The following IL6ST variants were observed in gnomAD, a reference collection of about 807,000 sequenced individuals.
IL6ST encodes the protein interleukin 6 cytokine family signal transducer.
IL6ST carries 24 observed loss-of-function variants against 91.3 expected under a neutral mutation model. The ratio of observed to expected loss-of-function variants is 0.26; its 90% CI spans 0.19 to 0.37. The LOEUF is 0.37. Among genes scored for constraint, IL6ST ranks in the 10% least tolerant of loss-of-function variants. The pLI is 1.00. For synonymous variants in IL6ST, 351 were observed against 373.6 expected (o/e 0.94, Z 0.70); for missense variants, 914 against 1,078.5 (o/e 0.85, Z 2.14).
intron 8 of IL6ST, chr5:55,959,542 TTAGAC>T: frequency 3.5e-6 from 2 of 571,016 alleles, no homozygotes; most frequent in Non-Finnish European, 5.5e-6. Context: ...GGATCTTACT[TTAGAC>T]TGTACACTCT....
At chr5:55,960,970 G>A (rs898616499) in intron 7 of IL6ST, among the ~76,000 whole-genome samples, 31 of 151,556 alleles carry the variant, frequency 2.0e-4, no homozygotes, top group Middle Eastern at 3.5e-3. Context: ...TCCCTCTGTC[G>A]CCCAGGCTGG....
chr5:55,976,174 A>G (rs1356346543), intron 3 of IL6ST, 41 bp downstream of exon 3: 2 of 973,280 alleles, frequency 2.1e-6, no homozygotes, highest in Non-Finnish European at 3.1e-6. Context: ...ATATAAACCT[A>G]ATTTGTGAAG....
In IL6ST at chr5:55,940,209, T is replaced by G. The variant is rs1468266318; in HGVS notation, c.*873A>C. On this transcript the variant is annotated 3_prime_UTR_variant, in exon 17 of 17. Coordinates refer to ENST00000381298, the MANE Select transcript of IL6ST (RefSeq NM_002184.4). The stretch of plus-strand genomic sequence containing the variant: ...GCCAATTTTTTAGATGCTTTATTGG[T>G]TTTTTTTCCCCTTTACTACTACTTC... 3 of 208,080 alleles carry G rather than the reference T, an allele frequency of 1.4e-5. No individual in the cohort carries two copies. The highest frequency in any genetic ancestry group is 1.9e-4 in the South Asian group (1 of 5,280). 12.9% of individuals were successfully genotyped at this position (208,080 alleles called of 1,614,324 possible). A position where few individuals can be genotyped will look rare whatever the true frequency, so the allele number is the denominator to read the frequency against.
intron 5 of IL6ST, among the ~76,000 whole-genome samples, chr5:55,966,954 A>G (rs544219792): frequency 1.3e-4 from 12 of 95,032 alleles, no homozygotes; most frequent in Admixed American, 4.5e-4. Context: ...TTTTTTGGGG[A>G]AAAAAAAAAA....
At chr5:55,976,052 CAAG>C (rs1753269881) in intron 3 of IL6ST, 160 bp downstream of exon 3, 1 of 368,024 alleles carries the variant, frequency 2.7e-6, no homozygotes, top group Non-Finnish European at 4.9e-6. Flanking sequence ...AACAGATTAT[CAAG>C]AATATTTTTA....
chr5:55,988,757 A>C (rs1754137539), intron 1 of IL6ST, among the ~76,000 whole-genome samples: 2 of 131,880 alleles, frequency 1.5e-5, no homozygotes, highest in Non-Finnish European at 3.2e-5. Flanking sequence ...CAAGAGCAAA[A>C]CTCCATCTCC....
chr5:55,965,716 C>T (rs190500221), intron 5 of IL6ST, among the ~76,000 whole-genome samples: 11 of 145,962 alleles, frequency 7.5e-5, no homozygotes, highest in Admixed American at 1.4e-4. Context: ...ATGAGCCGGG[C>T]GGGGTGGTGG....
chr5:55,942,302 G>A (rs1750970177), intron 16 of IL6ST, among the ~76,000 whole-genome samples: 2 of 152,154 alleles, frequency 1.3e-5, no homozygotes, highest in South Asian at 4.1e-4. Flanking sequence ...ATGATAAACT[G>A]TTGAACTTGG....
Position 55,975,244 on chromosome 5 carries a change from G to C in IL6ST, c.64+971C>G, listed in dbSNP as rs1275676167. On this transcript the variant is annotated intron_variant, in intron 3 of 16. Transcript: ENST00000381298. ...AATCATAGGGGTGGATTTCTCACTT[G>C]GTACTGCCTCGAGATGGTGGATGAG... Among the ~76,000 whole-genome samples the C allele has an allele frequency of 2.0e-5, 3 of 152,214 alleles. No individual in the cohort carries two copies. The East Asian group carries it at 5.8e-4, about 29-fold the overall frequency.
In IL6ST at chr5:55,957,249, G is replaced by A. The variant is rs748024777; in HGVS notation, c.1016C>T (p.Ser339Phe). The change falls in exon 9 of 17, where the codon TCC becomes TTC. Residue 339 changes from serine (S) to phenylalanine (F), a missense_variant. Physicochemically the swap from Ser to Phe is radical, Grantham distance 155. Transcript: ENST00000381298. ...TACAGTTCTGTAGCCTTGAGTATGG[G>A]ATGGATCTATTTTATACCAGAAACT... ...APSFWYKIDP[S>F]HTQGYRTVQL... The A allele has an allele frequency of 2.9e-5, 45 of 1,569,790 alleles. No homozygotes were observed. The East Asian group carries it at 1.0e-3, about 36-fold the overall frequency.
Position 55,941,381 on chromosome 5 carries a change from T to C in IL6ST, c.2458A>G (p.Ser820Gly). 2 of 1,614,170 alleles carry C rather than the reference T, an allele frequency of 1.2e-6. No homozygotes were observed. Among genetic ancestry groups the C allele is most frequent in the Non-Finnish European group, 1.7e-6 (2 of 1,179,978 alleles). The change falls in exon 17 of 17, where the codon AGT becomes GGT. Residue 820 changes from serine to glycine, a missense_variant. Coordinates refer to ENST00000381298, the MANE Select transcript of IL6ST (RefSeq NM_002184.4). ...ATATCTGGACTGGATTCATGCTGAC[T>C]GCAGTTCTGTTTGAAGTACTGTTGC... is the stretch of plus-strand genomic sequence containing the variant. The part of the protein sequence containing the change: ...PRQQYFKQNC[S>G]QHESSPDISH...
At chr5:55,989,009 C>A (rs1754156872) in intron 1 of IL6ST, among the ~76,000 whole-genome samples, 1 of 150,364 alleles carries the variant, frequency 6.7e-6, no homozygotes, top group African/African-American at 2.4e-5. Context: ...GCCTGTAATC[C>A]CAGCTACTCA....
At chr5:55,980,615 G>T (rs1223805932) in intron 2 of IL6ST, among the ~76,000 whole-genome samples, 1 of 152,076 alleles carries the variant, frequency 6.6e-6, no homozygotes, top group Non-Finnish European at 1.5e-5. Context: ...CACCAACTGG[G>T]TGACAGTTCA....
chr5:55,942,660 T>G lies in IL6ST; in HGVS notation c.2019+10A>C, dbSNP rs1288493523. ...TATATTATAAACAACTCAGAAGCATTTTCTCTTACCCTTGGAGGAGTGTGA... is the reference window on the plus strand; with the variant it reads ...TATATTATAAACAACTCAGAAGCATGTTCTCTTACCCTTGGAGGAGTGTGA... On this transcript the variant is annotated intron_variant, in intron 16 of 16. Coordinates refer to ENST00000381298, the MANE Select transcript of IL6ST (RefSeq NM_002184.4). The G allele has an allele frequency of 2.0e-6, 3 of 1,525,768 alleles. No homozygotes were observed. In the African/African-American group the frequency reaches 4.1e-5, roughly 21 times the overall value. The allele number at this position is 1,525,768 out of a possible 1,614,324, so 94.5% of individuals were successfully genotyped here. A position where few individuals can be genotyped will look rare whatever the true frequency, so the allele number is the denominator to read the frequency against.
Position 55,941,512 on chromosome 5 carries a change from A to G in IL6ST, c.2327T>C (p.Val776Ala), listed in dbSNP as rs1426165737. ...GYRHQVPSVQ[V>A]FSRSESTQPL... Reference sequence around the variant, plus strand: ...CTGGGTAGACTCGGATCTTGAGAAGACTTGGACTGACGGAACTTGGTGTCT... The same window carrying G: ...CTGGGTAGACTCGGATCTTGAGAAGGCTTGGACTGACGGAACTTGGTGTCT... The change falls in exon 17 of 17, where the codon GTC becomes GCC. Residue 776 changes from valine to alanine, a missense_variant. By Grantham distance (64) the Val-to-Ala change is moderately conservative. Transcript: ENST00000381298. 2 of 1,614,180 alleles carry G rather than the reference A, an allele frequency of 1.2e-6. No individual in the cohort carries two copies. Among genetic ancestry groups the G allele is most frequent in the Non-Finnish European group, 1.7e-6 (2 of 1,180,006 alleles).
At position 55,947,502 on chromosome 5, in the gene IL6ST, T is replaced by C. The variant is rs1751340471; in HGVS notation, c.1928A>G (p.Lys643Arg). 1 of 1,570,676 alleles carries C rather than the reference T, an allele frequency of 6.4e-7. No individual in the cohort carries two copies. Among genetic ancestry groups the C allele is most frequent in the African/African-American group, 1.4e-5 (1 of 72,516 alleles). The change falls in exon 15 of 17, where the codon AAG (lysine) becomes AGG (arginine). Residue 643 changes from lysine to arginine, a missense_variant. By Grantham distance (26) the Lys-to-Arg change is conservative. Transcript: ENST00000381298. ...TLLGVLFCFN[K>R]RDLIKKHIWP... ...GAATAAAGTTACTTACAGGTCTCGC[T>C]TATTAAAGCAGAACAGCACTCCCAG...
chr5:55,975,977 A>G (rs1000770043), intron 3 of IL6ST, among the ~76,000 whole-genome samples: 1 of 151,670 alleles, frequency 6.6e-6, no homozygotes, highest in Admixed American at 6.6e-5. Flanking sequence ...TACAGCATTT[A>G]AGATTACTGA....
chr5:55,979,237 T>A (rs1479186336), intron 2 of IL6ST, among the ~76,000 whole-genome samples: 1 of 152,042 alleles, frequency 6.6e-6, no homozygotes, highest in Non-Finnish European at 1.5e-5. Flanking sequence ...TACAAAAAAA[T>A]TTTAAAAGAG....
chr5:55,988,134 A>G (rs1754085806), intron 1 of IL6ST, among the ~76,000 whole-genome samples: 3 of 150,046 alleles, frequency 2.0e-5, no homozygotes, highest in Admixed American at 2.0e-4. Context: ...CTGCCTCCAA[A>G]AAAAAAAAAA....
Sources: gnomAD v4.1 joint callset for allele counts (sites outside exome capture counted in the v4.1 genomes callset) on GRCh38, gnomAD v4.1.1 for gene constraint, MANE v1.5 for transcripts, NCBI Gene and HGNC (gene_info 2026-07-23, HGNC 2026-07-21) for gene names.